The following ZNF846 variants were observed in gnomAD, a reference collection of about 807,000 sequenced individuals.
ZNF846 encodes the protein zinc finger protein 846, also known as zinc finger protein 420 pseudogene.
In ZNF846, 15 loss-of-function variants were observed where a neutral mutation model predicts 16.0. That is an observed-to-expected ratio of 0.94 (90% CI 0.63 to 1.45). ZNF846 has a LOEUF of 1.45. Among genes scored for constraint, ZNF846 ranks in the 40% most tolerant of loss-of-function variants. The pLI, the probability that ZNF846 is intolerant of heterozygous loss-of-function variation, is 0.00. For synonymous variants in ZNF846, 229 were observed against 212.0 expected, an observed-to-expected ratio of 1.08 and a Z score of -0.70; for missense variants, 714 against 622.3, an observed-to-expected ratio of 1.15 and a Z score of -1.57.
At chr19:9,765,452 C>A (rs985992383) in intron 1 of ZNF846, among the ~76,000 whole-genome samples, 14 of 152,142 alleles carry the variant, frequency 9.2e-5, no homozygotes, top group African/African-American at 3.4e-4. Flanking sequence ...GCGGGTGGAT[C>A]ACGAGGTTAG....
chr19:9,770,551 T>C (rs1227352635), upstream of ZNF846, among the ~76,000 whole-genome samples: 1 of 151,092 alleles, frequency 6.6e-6, no homozygotes, highest in Non-Finnish European at 1.5e-5. Flanking sequence ...GGAACATTCA[T>C]ATTCCTAAAC....
chr19:9,754,636 A>G (rs2045116927), downstream of ZNF846, among the ~76,000 whole-genome samples: 1 of 150,016 alleles, frequency 6.7e-6, no homozygotes, highest in African/African-American at 2.5e-5. Context: ...CATTTTGCCA[A>G]ATTATGCCAT....
At chr19:9,756,171 T>C (rs1369421328), downstream of ZNF846, 2 of 150,288 alleles carry the variant, frequency 1.3e-5, no homozygotes, top group Non-Finnish European at 2.9e-5. Flanking sequence ...ATATAGCTTG[T>C]TTGCAGTGTG....
chr19:9,765,277 A>G (rs2045296725), intron 1 of ZNF846, among the ~76,000 whole-genome samples: 1 of 152,174 alleles, frequency 6.6e-6, no homozygotes, highest in South Asian at 2.1e-4. Flanking sequence ...CGGGAGGCCG[A>G]GGTGGGGGAA....
chr19:9,765,621 C>T (rs998554218), intron 1 of ZNF846, among the ~76,000 whole-genome samples: 1 of 152,032 alleles, frequency 6.6e-6, no homozygotes, highest in Non-Finnish European at 1.5e-5. Flanking sequence ...TGCAGTGAGC[C>T]GAGATTGCAC....
At chr19:9,777,237 CAGG>C (rs1157761313) in intron 1 of ZNF846, among the ~76,000 whole-genome samples, 1 of 151,754 alleles carries the variant, frequency 6.6e-6, no homozygotes, top group Non-Finnish European at 1.5e-5. Context: ...GAGGTCAAGG[CAGG>C]AGGATTGCTT....
chr19:9,778,540 CA>C (rs1424865410), intron 1 of ZNF846, among the ~76,000 whole-genome samples: 2 of 152,202 alleles, frequency 1.3e-5, no homozygotes, highest in Non-Finnish European at 2.9e-5. Flanking sequence ...CACTGTGGCT[CA>C]GGCCTATAAT....
At position 9,757,695 on chromosome 19, in the gene ZNF846, C is replaced by T. The variant is rs56872664; in HGVS notation, c.1382G>A (p.Arg461His). The T allele has an allele frequency of 4.2e-4, 678 of 1,612,982 alleles. 6 individuals are homozygous for T. The East Asian group carries it at 9.6e-3, about 23-fold the overall frequency. The change falls in exon 6 of 6, where the codon CGT becomes CAT. Residue 461 changes from arginine (R) to histidine (H), a missense_variant. Coordinates refer to ENST00000397902, the Ensembl canonical transcript of ZNF846. The stretch of plus-strand genomic sequence containing the variant: ...CATGTGCATATTAAGATTTGTGGAA[C>T]GAGCAAATGCTTTACCGCATTCCTT...
At chr19:9,753,378 G>T (rs549711466), downstream of ZNF846, among the ~76,000 whole-genome samples, 1 of 150,346 alleles carries the variant, frequency 6.7e-6, no homozygotes, top group African/African-American at 2.5e-5. Context: ...CAGCCTCCTG[G>T]ATAACTGGGA....
chr19:9,761,062 G>A (rs1408263638), intron 4 of ZNF846, among the ~76,000 whole-genome samples: 2 of 149,082 alleles, frequency 1.3e-5, no homozygotes, highest in East Asian at 3.9e-4. Flanking sequence ...CACCAGGCAT[G>A]GTGGCGCACG....
At chr19:9,775,584 ACT>A (rs1390688923) in intron 1 of ZNF846, among the ~76,000 whole-genome samples, 1 of 152,202 alleles carries the variant, frequency 6.6e-6, no homozygotes, top group African/African-American at 2.4e-5. Flanking sequence ...TACATGGATA[ACT>A]CACACCATTC....
Position 9,761,677 on chromosome 19 carries a change from C to T in ZNF846, c.229+405G>A, listed in dbSNP as rs571124051. Among the ~76,000 whole-genome samples the T allele has an allele frequency of 6.2e-4, 94 of 150,530 alleles. 1 individual carries two copies. In the South Asian group the frequency reaches 0.019, roughly 30 times the overall value. On this transcript the variant is annotated intron_variant, in intron 4 of 5. Transcript: ENST00000397902. ...AGCAAGCCAAGATCATGTCACTGCA[C>T]ACCAGCCAGGGCGACAGTGCAAGAC...
At chr19:9,763,480 G>C (rs2045264860) in intron 2 of ZNF846, 72 bp from the exon 3 acceptor site, 1 of 1,433,842 alleles carries the variant, frequency 7.0e-7, no homozygotes, top group Non-Finnish European at 9.3e-7. Context: ...AATGCATGAA[G>C]GACTAAGGAA....
chr19:9,769,066 TTTTC>T (rs2045365332), upstream of ZNF846, among the ~76,000 whole-genome samples: 1 of 152,144 alleles, frequency 6.6e-6, no homozygotes, highest in Non-Finnish European at 1.5e-5. Context: ...CATCGAGTGC[TTTTC>T]TTTTCTTTTT....
chr19:9,750,241 G>A (rs541670269), downstream of ZNF846, among the ~76,000 whole-genome samples: 37 of 152,118 alleles, frequency 2.4e-4, no homozygotes, highest in African/African-American at 5.1e-4. Flanking sequence ...GGCTACCCTC[G>A]CCCTGCTCAT....
chr19:9,763,580 T>C, intron 2 of ZNF846, 172 bp from the exon 3 acceptor site: 1 of 473,714 alleles, frequency 2.1e-6, no homozygotes, highest in Non-Finnish European at 3.6e-6. Flanking sequence ...CATGGACTTA[T>C]CAGCATCACT....
chr19:9,774,483 A>T (rs558425161), intron 1 of ZNF846: 21 of 961,364 alleles, frequency 2.2e-5, no homozygotes, highest in Middle Eastern at 4.8e-4. Flanking sequence ...AAAAAAAAAA[A>T]TACCAAATCC....
At position 9,783,544 on chromosome 19, in the gene ZNF846, A is replaced by AATAT. The variant is rs1555714919; in HGVS notation, c.-86+2390_-86+2393dup. Reference sequence around the variant, plus strand: ...TCATCACTAAAAAAAAAAAAAAAAAAATATATATATATATATATATATTCT... The same window carrying AATAT: ...TCATCACTAAAAAAAAAAAAAAAAAAATATATATATATATATATATATATATTCT... On this transcript the variant is annotated intron_variant, in intron 1 of 4. Coordinates refer to the ZNF846 transcript ENST00000586814. Among the ~76,000 whole-genome samples the AATAT allele has an allele frequency of 1.2e-3, 132 of 108,776 alleles. 1 individual carries two copies. Among genetic ancestry groups the AATAT allele is most frequent in the Middle Eastern group, 4.3e-3 (1 of 232 alleles). The allele number at this position is 108,776 out of a possible 152,430, so 71.4% of individuals were successfully genotyped here. A position where few individuals can be genotyped will look rare whatever the true frequency, so the allele number is the denominator to read the frequency against.
Position 9,783,955 on chromosome 19 carries a change from G to A in ZNF846, c.-86+1983C>T, listed in dbSNP as rs145779366. On this transcript the variant is annotated intron_variant, in intron 1 of 4. Coordinates refer to the ZNF846 transcript ENST00000586814. ...TGAGCTCAAGCGATCTGCCCGCTTC[G>A]GCCTCCCAAAGTGTTGGGACTGCAG... is the stretch of plus-strand genomic sequence containing the variant. Among the ~76,000 whole-genome samples the A allele has an allele frequency of 7.0e-3, 1,061 of 152,008 alleles. 20 individuals carry two copies. The highest frequency in any genetic ancestry group is 0.024 in the African/African-American group (999 of 41,482).
Sources: gnomAD v4.1 joint callset for allele counts (sites outside exome capture counted in the v4.1 genomes callset) on GRCh38, gnomAD v4.1.1 for gene constraint, MANE v1.5 for transcripts, NCBI Gene and HGNC (gene_info 2026-07-23, HGNC 2026-07-21) for gene names.